COL14A1: variants seen among roughly 807,000 people sequenced by gnomAD.
COL14A1 encodes collagen alpha-1(XIV) chain.
COL14A1 carries 136 observed loss-of-function variants against 230.3 expected under a neutral mutation model. That is an observed-to-expected ratio of 0.59 (90% CI 0.51 to 0.68). The LOEUF is 0.68. Among genes scored for constraint, COL14A1 ranks in the 30% least tolerant of loss-of-function variants. COL14A1 has a pLI of 0.00. For missense variants in COL14A1, 1,976 were observed against 2,215.8 expected (o/e 0.89, Z 2.17); for synonymous variants, 792 against 784.1 (o/e 1.01, Z -0.17).
intron 4 of COL14A1, among the ~76,000 whole-genome samples, chr8:120,163,236 A>G (rs1451999192): frequency 3.9e-5 from 6 of 152,202 alleles, no homozygotes; most frequent in African/African-American, 1.4e-4. Flanking sequence ...TATTGGAGAG[A>G]GTACATATAG....
At chr8:120,285,693 A>G (rs541646161) in intron 32 of COL14A1, among the ~76,000 whole-genome samples, 168 bp from the exon 33 acceptor site, 2 of 152,238 alleles carry the variant, frequency 1.3e-5, no homozygotes, top group Non-Finnish European at 2.9e-5. Context: ...GTAACCAACT[A>G]AAAGTCTGCG....
chr8:120,155,431 G>A (rs1815439705), intron 2 of COL14A1, among the ~76,000 whole-genome samples: 1 of 152,168 alleles, frequency 6.6e-6, no homozygotes, highest in African/African-American at 2.4e-5. Flanking sequence ...TATTGACTAA[G>A]AGATGTTGAG....
Position 120,125,344 on chromosome 8 carries a change from A to G in COL14A1, c.-38+4A>G, listed in dbSNP as rs970867810. 1 of 152,326 alleles carries G rather than the reference A, an allele frequency of 6.6e-6. No individual in the cohort carries two copies. 9.4% of individuals were successfully genotyped at this position (152,326 alleles called of 1,614,324 possible). A position where few individuals can be genotyped will look rare whatever the true frequency, so the allele number is the denominator to read the frequency against. ...GCTGGAACCTTGCCCAGCACAGGTC[A>G]GTTCGTCTTTCTCTGCTCTTCTTTG... On this transcript the variant is annotated splice_donor_region_variant and intron_variant, in intron 1 of 47. Coordinates refer to ENST00000297848, the MANE Select transcript of COL14A1 (RefSeq NM_021110.4).
rs148805509 is a variant in COL14A1 at position 120,176,278 on chromosome 8, G to A, written c.436+8031G>A. 3.4e-4 allele frequency among the ~76,000 whole-genome samples: 52 copies of A among 152,214 alleles called. No homozygotes were observed. In the East Asian group the frequency reaches 8.1e-3, roughly 24 times the overall value. On this transcript the variant is annotated intron_variant, in intron 5 of 47. Coordinates refer to ENST00000297848, the MANE Select transcript of COL14A1 (RefSeq NM_021110.4). Reference sequence around the variant, plus strand: ...TGGGGATTAAGTGGTGAGCATGGGAGGCAGAATTCTACCCTCATGGAGCTT... The same window carrying A: ...TGGGGATTAAGTGGTGAGCATGGGAAGCAGAATTCTACCCTCATGGAGCTT...
At chr8:120,369,868 C>G (rs1488502827) in intron 47 of COL14A1, among the ~76,000 whole-genome samples, 1 of 152,190 alleles carries the variant, frequency 6.6e-6, no homozygotes, top group Non-Finnish European at 1.5e-5. Context: ...TAAAATTTTA[C>G]TCTTGGTTTG....
At chr8:120,126,958 CTCTCA>C (rs1221044163) in intron 1 of COL14A1, among the ~76,000 whole-genome samples, 2 of 151,944 alleles carry the variant, frequency 1.3e-5, no homozygotes, top group Non-Finnish European at 2.9e-5. Flanking sequence ...ATTCATATAC[CTCTCA>C]ATTAACCAAT....
At position 120,198,959 on chromosome 8, in the gene COL14A1, G is replaced by A. The variant is rs536116524; in HGVS notation, c.713-443G>A. ...TGTCATGCTCAAAAGGCAGGAGTAC[G>A]ATTAATGATATTAGATTTGTCCCTT... On this transcript the variant is annotated intron_variant, in intron 7 of 47. Transcript: ENST00000297848. Among the ~76,000 whole-genome samples the A allele has an allele frequency of 3.4e-4, 52 of 152,258 alleles. No homozygotes were observed. The South Asian group carries it at 4.4e-3, about 13-fold the overall frequency.
At chr8:120,319,610 A>G (rs142042050) in intron 40 of COL14A1, among the ~76,000 whole-genome samples, 1 of 152,352 alleles carries the variant, frequency 6.6e-6, no homozygotes, top group East Asian at 1.9e-4. Context: ...AATTTAGCCT[A>G]GAAGGAGAGA....
chr8:120,218,365 A>T (rs1179721119), intron 14 of COL14A1, among the ~76,000 whole-genome samples: 1 of 150,028 alleles, frequency 6.7e-6, no homozygotes. Flanking sequence ...GCTGGAGTGC[A>T]GTGGCATGAT....
chr8:120,206,528 T>C (rs1206183751), intron 9 of COL14A1, among the ~76,000 whole-genome samples: 1 of 152,196 alleles, frequency 6.6e-6, no homozygotes, highest in Non-Finnish European at 1.5e-5. Context: ...TTTGTATTTG[T>C]AGTAGAGACG....
chr8:120,291,491 C>T (rs534288543), intron 34 of COL14A1, among the ~76,000 whole-genome samples: 4 of 134,562 alleles, frequency 3.0e-5, no homozygotes, highest in Admixed American at 8.3e-5. Context: ...CCCCAGGAGG[C>T]GGATGTTACA....
intron 30 of COL14A1, 57 bp downstream of exon 30, chr8:120,280,806 G>T: frequency 6.4e-7 from 1 of 1,558,924 alleles, no homozygotes. Flanking sequence ...TCTCAATTGG[G>T]GATGGGGTTT....
At chr8:120,213,885 AC>A (rs1817678533) in intron 13 of COL14A1, 1 of 389,524 alleles carries the variant, frequency 2.6e-6, no homozygotes, top group Non-Finnish European at 5.0e-6. Context: ...CCAAATGTGC[AC>A]ACTACTTAAT....
chr8:120,244,568 C>T (rs960880015), intron 20 of COL14A1, among the ~76,000 whole-genome samples: 4 of 152,154 alleles, frequency 2.6e-5, no homozygotes, highest in East Asian at 1.9e-4. Context: ...CCCCAAAGTC[C>T]ATTGTATCCT....
At chr8:120,172,437 C>G (rs1219729490) in intron 5 of COL14A1, among the ~76,000 whole-genome samples, 2 of 152,148 alleles carry the variant, frequency 1.3e-5, no homozygotes, top group East Asian at 3.9e-4. Flanking sequence ...AGGCATGAGC[C>G]ACCGCAGCCG....
intron 45 of COL14A1, among the ~76,000 whole-genome samples, chr8:120,351,421 A>G (rs1441164546): frequency 7.6e-6 from 1 of 131,054 alleles, no homozygotes; most frequent in Non-Finnish European, 1.6e-5. Flanking sequence ...GACACAAAAA[A>G]CCCTTCAAAA....
chr8:120,329,759 A>G (rs2130196724), intron 40 of COL14A1, among the ~76,000 whole-genome samples: 1 of 152,372 alleles, frequency 6.6e-6, no homozygotes, highest in African/African-American at 2.4e-5. Flanking sequence ...GAATATAAGT[A>G]GTAGTAAAAA....
intron 5 of COL14A1, among the ~76,000 whole-genome samples, chr8:120,186,812 G>T (rs1252597416): frequency 6.6e-6 from 1 of 152,170 alleles, no homozygotes; most frequent in Admixed American, 6.5e-5. Flanking sequence ...CTACACTGAT[G>T]TACTGTATGT....
chr8:120,201,783 G>A (rs1158674449), intron 8 of COL14A1, among the ~76,000 whole-genome samples: 1 of 152,194 alleles, frequency 6.6e-6, no homozygotes, highest in Non-Finnish European at 1.5e-5. Flanking sequence ...TGTGGAGGTT[G>A]TTGGGGTACA....
Sources: gnomAD v4.1 joint callset for allele counts (sites outside exome capture counted in the v4.1 genomes callset) on GRCh38, gnomAD v4.1.1 for gene constraint, MANE v1.5 for transcripts, NCBI Gene and HGNC (gene_info 2026-07-23, HGNC 2026-07-21) for gene names.